INSYN2A: variants seen among roughly 807,000 people sequenced by gnomAD.
INSYN2A encodes family with sequence similarity 196 member A.
In INSYN2A, 17 loss-of-function variants were observed where a neutral mutation model predicts 39.4. The observed-to-expected ratio is 0.43, with a 90% CI of 0.30 to 0.65. The LOEUF is 0.65. Among genes scored for constraint, INSYN2A ranks in the 30% least tolerant of loss-of-function variants. The pLI is 0.14. For synonymous variants in INSYN2A, 255 were observed against 265.7 expected (o/e 0.96, Z 0.39); for missense variants, 595 against 631.2 (o/e 0.94, Z 0.61).
chr10:127,156,559 CTTCTTTTTTTTTTT>C (rs1332491867), intron 4 of INSYN2A, among the ~76,000 whole-genome samples: 1 of 60,180 alleles, frequency 1.7e-5, no homozygotes, highest in African/African-American at 7.9e-5. Context: ...TCTTCTTCTT[CTTCTTTTTTTTTTT>C]TTTTTTTTTT....
chr10:127,158,218 A>G (rs1425906782), intron 4 of INSYN2A, among the ~76,000 whole-genome samples: 1 of 152,260 alleles, frequency 6.6e-6, no homozygotes, highest in East Asian at 1.9e-4. Flanking sequence ...CTCAACTTGG[A>G]AACACATCAG....
chr10:127,176,811 T>A lies in INSYN2A; in HGVS notation c.-6+66A>T, dbSNP rs1408381090. On this transcript the variant is annotated intron_variant, in intron 3 of 5. Coordinates refer to ENST00000522781, the MANE Select transcript of INSYN2A (RefSeq NM_001039762.3). This position sits in a 1 kb window ranked among gnomAD's most constrained non-coding sequence, Gnocchi z 4.4. ...ACTTATTTGGTTTGCGTTTTGACTA[T>A]TTTTTGAGGATGACGTCATTAATCT... The A allele has an allele frequency of 6.2e-6, 1 of 160,864 alleles. No homozygotes were observed. The highest frequency in any genetic ancestry group is 2.4e-5 in the African/African-American group (1 of 41,666). 10.0% of individuals were successfully genotyped at this position (160,864 alleles called of 1,614,324 possible).
chr10:127,138,066 T>C (rs1391759717), intron 5 of INSYN2A, 46 bp from the exon 6 acceptor site: 2 of 1,516,184 alleles, frequency 1.3e-6, no homozygotes, highest in East Asian at 4.5e-5. Context: ...ATCTTTTCCA[T>C]ATGAAGATCC....
chr10:127,141,756 T>A (rs1430465393), intron 5 of INSYN2A, among the ~76,000 whole-genome samples: 1 of 152,100 alleles, frequency 6.6e-6, no homozygotes, highest in Non-Finnish European at 1.5e-5. Context: ...AAAAATTATG[T>A]TGTGTCCTCC....
chr10:127,165,579 A>G (rs1399896243), intron 4 of INSYN2A, among the ~76,000 whole-genome samples: 5 of 152,124 alleles, frequency 3.3e-5, no homozygotes, highest in Admixed American at 3.3e-4. Context: ...TTTAAGGTTT[A>G]TTTTTATATT....
At chr10:127,166,816 A>G (rs1173260537) in intron 4 of INSYN2A, among the ~76,000 whole-genome samples, 2 of 151,978 alleles carry the variant, frequency 1.3e-5, no homozygotes, top group Non-Finnish European at 2.9e-5. Context: ...AAATCCATAA[A>G]TTCCATAAAT....
chr10:127,181,479 G>A (rs897857558), intron 2 of INSYN2A, among the ~76,000 whole-genome samples: 2 of 152,178 alleles, frequency 1.3e-5, no homozygotes, highest in Admixed American at 1.3e-4. Context: ...CAGTCTGACC[G>A]AGACACCTCC....
At chr10:127,139,114 C>T (rs1449127884) in intron 5 of INSYN2A, among the ~76,000 whole-genome samples, 1 of 152,154 alleles carries the variant, frequency 6.6e-6, no homozygotes, top group Non-Finnish European at 1.5e-5. Context: ...GACTAAATGT[C>T]AGTAGATTTC....
chr10:127,138,917 T>A lies in INSYN2A; in HGVS notation c.1257-897A>T, dbSNP rs372460714. ...CATTTGATCTTCTAACTTGGAGTCC[T>A]AACAGGTCTGCTTGGCAGCTGGGAT... On this transcript the variant is annotated intron_variant, in intron 5 of 5. Transcript: ENST00000522781. Among the ~76,000 whole-genome samples, 643 of 152,346 alleles carry A rather than the reference T, an allele frequency of 4.2e-3. 4 individuals carry two copies. Among genetic ancestry groups the A allele is most frequent in the African/African-American group, 0.015 (617 of 41,584 alleles).
At chr10:127,157,583 G>A (rs1041312007) in intron 4 of INSYN2A, among the ~76,000 whole-genome samples, 6 of 152,166 alleles carry the variant, frequency 3.9e-5, no homozygotes. Flanking sequence ...ACCAATTCCT[G>A]AGAAATGGTT....
intron 4 of INSYN2A, among the ~76,000 whole-genome samples, chr10:127,172,520 G>T (rs755129862): frequency 6.6e-6 from 1 of 152,150 alleles, no homozygotes; most frequent in African/African-American, 2.4e-5. Flanking sequence ...TGGAGAAGAC[G>T]GGTGGGAAAT....
At chr10:127,139,688 C>T (rs2051037941) in intron 5 of INSYN2A, among the ~76,000 whole-genome samples, 1 of 152,146 alleles carries the variant, frequency 6.6e-6, no homozygotes, top group South Asian at 2.1e-4. Context: ...CACCCTGCCT[C>T]TTCCACCTGA....
chr10:127,172,065 T>G (rs1219320432), intron 4 of INSYN2A, among the ~76,000 whole-genome samples: 5 of 152,218 alleles, frequency 3.3e-5, no homozygotes, highest in African/African-American at 1.2e-4. Flanking sequence ...TAACTATGTA[T>G]CAGTGTACAC....
At chr10:127,189,554 A>C (rs576134687) in intron 2 of INSYN2A, among the ~76,000 whole-genome samples, 1 of 152,378 alleles carries the variant, frequency 6.6e-6, no homozygotes, top group East Asian at 1.9e-4. Context: ...ATAAATAGCA[A>C]GTGCAAAACA....
chr10:127,146,312 C>G (rs775826793), intron 5 of INSYN2A, among the ~76,000 whole-genome samples: 12 of 152,130 alleles, frequency 7.9e-5, no homozygotes, highest in Non-Finnish European at 1.3e-4. Context: ...GTTTTAGTTA[C>G]AGTTAATGGC....
intron 4 of INSYN2A, among the ~76,000 whole-genome samples, chr10:127,154,335 C>T (rs190048165): frequency 5.3e-5 from 8 of 152,180 alleles, no homozygotes; most frequent in African/African-American, 9.7e-5. Context: ...TGGCAAAGTG[C>T]GGCCTGCAGG....
At chr10:127,139,203 A>G (rs905098867) in intron 5 of INSYN2A, among the ~76,000 whole-genome samples, 2 of 152,220 alleles carry the variant, frequency 1.3e-5, no homozygotes, top group Non-Finnish European at 2.9e-5. Context: ...ATTTATAAAC[A>G]TGAAATCCTA....
chr10:127,186,504 A>ACC lies in INSYN2A; in HGVS notation c.-269+6099_-269+6100dup, dbSNP rs1216809857. Among the ~76,000 whole-genome samples, 70 of 9,010 alleles carry ACC rather than the reference A, an allele frequency of 7.8e-3. 3 individuals carry two copies. Among genetic ancestry groups the ACC allele is most frequent in the Middle Eastern group, 0.059 (2 of 34 alleles). The allele number at this position is 9,010 out of a possible 152,430, so 5.9% of individuals were successfully genotyped here. A position where few individuals can be genotyped will look rare whatever the true frequency, so the allele number is the denominator to read the frequency against. The stretch of plus-strand genomic sequence containing the variant: ...CAATCATGATAACAGCATGGGAGAA[A>ACC]CCGCCCCCCCGCCCCCCCCCGATCC... On this transcript the variant is annotated intron_variant, in intron 2 of 5. Coordinates refer to ENST00000522781, the MANE Select transcript of INSYN2A (RefSeq NM_001039762.3).
At chr10:127,164,047 C>T (rs550719595) in intron 4 of INSYN2A, among the ~76,000 whole-genome samples, 3 of 151,460 alleles carry the variant, frequency 2.0e-5, no homozygotes, top group East Asian at 3.9e-4. Context: ...CAAAGCATCA[C>T]AGTTAGCAGG....
Sources: gnomAD v4.1 joint callset for allele counts (sites outside exome capture counted in the v4.1 genomes callset) on GRCh38, gnomAD v4.1.1 for gene constraint, Gnocchi (gnomAD v3.1) non-coding constraint, MANE v1.5 for transcripts, NCBI Gene and HGNC (gene_info 2026-07-23, HGNC 2026-07-21) for gene names.